PPP1R13B: variants seen among roughly 807,000 people sequenced by gnomAD.
PPP1R13B encodes protein phosphatase 1 regulatory subunit 13B, also known as apoptosis-stimulating of p53 protein 1.
In PPP1R13B, 44 loss-of-function variants were observed where a neutral mutation model predicts 119.8. That is an observed-to-expected ratio of 0.37 (90% CI 0.29 to 0.47). The LOEUF is 0.47. Ranked by LOEUF, PPP1R13B falls within the 20% of genes least tolerant of loss-of-function variation. The probability of loss-of-function intolerance (pLI) is 0.99; values close to 1 mark genes in which losing one functional copy is unlikely to be tolerated. For synonymous variants in PPP1R13B, 542 were observed against 561.5 expected (o/e 0.97, Z 0.49); for missense variants, 1,227 against 1,413.5 (o/e 0.87, Z 2.12).
chr14:103,757,236 TAG>T (rs1403404850), intron 5 of PPP1R13B, among the ~76,000 whole-genome samples: 1 of 152,000 alleles, frequency 6.6e-6, no homozygotes, highest in Non-Finnish European at 1.5e-5. Context: ...TTACTTTTTG[TAG>T]AGACAGGGTC....
chr14:103,803,423 C>T (rs1466327492), intron 1 of PPP1R13B, among the ~76,000 whole-genome samples: 2 of 152,150 alleles, frequency 1.3e-5, no homozygotes, highest in Non-Finnish European at 2.9e-5. Context: ...GCAGGCGGAT[C>T]ACTAGGACAG....
At chr14:103,779,319 T>G (rs1365275004) in intron 3 of PPP1R13B, among the ~76,000 whole-genome samples, 2 of 151,508 alleles carry the variant, frequency 1.3e-5, no homozygotes, top group Non-Finnish European at 2.9e-5. Context: ...AAAAATAAAT[T>G]AAAAATAAAT....
At chr14:103,789,733 C>A (rs1436699881) in intron 2 of PPP1R13B, among the ~76,000 whole-genome samples, 5 of 151,990 alleles carry the variant, frequency 3.3e-5, no homozygotes, top group African/African-American at 1.2e-4. Flanking sequence ...AGGCTGGTCT[C>A]AAACCACTGA....
chr14:103,779,166 G>C (rs2085279688), intron 3 of PPP1R13B, among the ~76,000 whole-genome samples: 1 of 134,660 alleles, frequency 7.4e-6, no homozygotes, highest in South Asian at 2.3e-4. Context: ...GGTGCACCCT[G>C]TAGTCTCAGC....
chr14:103,747,949 G>A (rs1237769308), intron 8 of PPP1R13B, among the ~76,000 whole-genome samples: 1 of 152,158 alleles, frequency 6.6e-6, no homozygotes, highest in Non-Finnish European at 1.5e-5. Flanking sequence ...CCTGCCTAGA[G>A]TTGGCCTTCG....
rs770501254 is a variant in PPP1R13B at position 103,746,472 on chromosome 14, G to T, written c.1051C>A (p.Gln351Lys). The change falls in exon 9 of 17, where the codon CAG becomes AAG. Residue 351 changes from glutamine to lysine, a missense_variant. Physicochemically the swap from Gln to Lys is moderately conservative, Grantham distance 53. Coordinates refer to ENST00000202556, the MANE Select transcript of PPP1R13B (RefSeq NM_015316.3). ...GGAAAGCTTCCGGCACTGGGAACCT[G>T]GATATAAGGCCCCACAGCAGCGACC... is the stretch of plus-strand genomic sequence containing the variant. ...GRVAAVGPYI[Q>K]VPSAGSFPVL... 1 of 1,614,104 alleles carries T rather than the reference G, an allele frequency of 6.2e-7. No homozygotes were observed. Among genetic ancestry groups the T allele is most frequent in the Admixed American group, 1.7e-5 (1 of 60,022 alleles).
rs191640346 is a variant in PPP1R13B, at chr14:103,834,559, C to A, written c.9+12740G>T. On this transcript the variant is annotated intron_variant, in intron 1 of 16. Coordinates refer to ENST00000202556, the MANE Select transcript of PPP1R13B (RefSeq NM_015316.3). Reference sequence around the variant, plus strand: ...GGTCTGGAAAACAGAAAGCACTGCACAGGGAAGGTAAATTTTAATGTCTTT... The same window carrying A: ...GGTCTGGAAAACAGAAAGCACTGCAAAGGGAAGGTAAATTTTAATGTCTTT... 3.5e-4 allele frequency among the ~76,000 whole-genome samples: 51 copies of A among 147,412 alleles called. No homozygotes were observed. In the South Asian group the frequency reaches 0.01, roughly 30 times the overall value.
At chr14:103,782,335 C>T (rs1174872089) in intron 3 of PPP1R13B, among the ~76,000 whole-genome samples, 2 of 152,186 alleles carry the variant, frequency 1.3e-5, no homozygotes, top group African/African-American at 2.4e-5. Flanking sequence ...TCATTATTTA[C>T]GGCTGCAGAG....
intron 1 of PPP1R13B, chr14:103,846,900 C>T: frequency 1.3e-5 from 11 of 818,964 alleles, no homozygotes; most frequent in Non-Finnish European, 1.8e-5. Context: ...GAACTCCGGG[C>T]GCGGGTGCCC....
chr14:103,839,649 C>T (rs1050791305), intron 1 of PPP1R13B, among the ~76,000 whole-genome samples: 1 of 149,624 alleles, frequency 6.7e-6, no homozygotes, highest in South Asian at 2.1e-4. Flanking sequence ...AAAAATCTTT[C>T]TATCTCCTTT....
At chr14:103,805,904 C>G (rs61995814) in intron 1 of PPP1R13B, among the ~76,000 whole-genome samples, 1,830 of 152,238 alleles carry the variant, frequency 0.012, 11 homozygotes, top group Non-Finnish European at 0.016. Context: ...TAGGCACAAA[C>G]TTTGTTTTGG....
intron 1 of PPP1R13B, among the ~76,000 whole-genome samples, chr14:103,817,419 A>T (rs1449873833): frequency 6.8e-6 from 1 of 146,682 alleles, no homozygotes; most frequent in African/African-American, 2.5e-5. Flanking sequence ...TTGTTATATT[A>T]AAAAAAAAAG....
In PPP1R13B at chr14:103,734,881, G is replaced by A. The variant is rs1481571369; in HGVS notation, c.*273C>T. On this transcript the variant is annotated 3_prime_UTR_variant, in exon 17 of 17. Transcript: ENST00000202556. ...GGGTTATGGGACTTCTTAATGGCAA[G>A]AGGGGTGGGTGTTTTGAAAGTGGGT... 1.8e-6 allele frequency: 1 copy of A among 562,562 alleles called. No homozygotes were observed. The highest frequency in any genetic ancestry group is 1.9e-5 in the African/African-American group (1 of 53,624). 34.8% of individuals were successfully genotyped at this position (562,562 alleles called of 1,614,324 possible).
intron 4 of PPP1R13B, among the ~76,000 whole-genome samples, chr14:103,767,400 C>T (rs1422852338): frequency 1.3e-5 from 2 of 151,822 alleles, no homozygotes; most frequent in African/African-American, 2.4e-5. Context: ...ATCACCATAC[C>T]CTTGAAACTG....
In PPP1R13B at chr14:103,797,261, CT is replaced by C. The variant is rs369738372; in HGVS notation, c.157+109del. 1.5e-3 allele frequency: 1,655 copies of C among 1,137,238 alleles called. 8 individuals carry two copies. The highest frequency in any genetic ancestry group is 9.1e-3 in the Middle Eastern group (44 of 4,842). The allele number at this position is 1,137,238 out of a possible 1,614,324, so 70.4% of individuals were successfully genotyped here. ...ATACTAAATTATATGTACTTAGTTA[CT>C]TTTTTTCCCCATCTTTATCAGAAAA... On this transcript the variant is annotated intron_variant, in intron 2 of 16. Transcript: ENST00000202556.
At chr14:103,837,556 T>C (rs2086806485) in intron 1 of PPP1R13B, among the ~76,000 whole-genome samples, 1 of 151,980 alleles carries the variant, frequency 6.6e-6, no homozygotes, top group African/African-American at 2.4e-5. Flanking sequence ...TACATGTGCA[T>C]GCACGCAAGC....
chr14:103,775,640 T>G (rs2085170513), intron 4 of PPP1R13B, among the ~76,000 whole-genome samples: 2 of 152,174 alleles, frequency 1.3e-5, no homozygotes, highest in Non-Finnish European at 1.5e-5. Context: ...TATAAATGCT[T>G]GCTAAAGTGT....
intron 5 of PPP1R13B, among the ~76,000 whole-genome samples, chr14:103,755,188 A>C (rs922442286): frequency 1.3e-5 from 2 of 152,190 alleles, no homozygotes; most frequent in Non-Finnish European, 2.9e-5. Flanking sequence ...TCACTCTATC[A>C]CATCCGTGAT....
chr14:103,750,012 G>A, intron 7 of PPP1R13B, 78 bp from the exon 8 acceptor site: 3 of 1,499,034 alleles, frequency 2.0e-6, no homozygotes, highest in Admixed American at 2.0e-5. Context: ...GATTAAAAAA[G>A]AAAAAGTAGC....
Sources: gnomAD v4.1 joint callset for allele counts (sites outside exome capture counted in the v4.1 genomes callset) on GRCh38, gnomAD v4.1.1 for gene constraint, MANE v1.5 for transcripts, NCBI Gene and HGNC (gene_info 2026-07-23, HGNC 2026-07-21) for gene names.